GEMIN7: variants seen among roughly 807,000 people sequenced by gnomAD.
The protein encoded by GEMIN7 is gem-associated protein 7.
Under a neutral mutation model 7.8 loss-of-function variants are expected in GEMIN7, and 7 were observed. The observed-to-expected ratio is 0.90, with a 90% CI of 0.51 to 1.69. The LOEUF (loss-of-function observed/expected upper bound fraction) is 1.69. Ranked by LOEUF, GEMIN7 falls within the 40% of genes most tolerant of loss-of-function variation. The pLI, the probability that GEMIN7 is intolerant of heterozygous loss-of-function variation, is 0.00. For missense variants in GEMIN7, 159 were observed against 176.2 expected (o/e 0.90, Z 0.55); for synonymous variants, 68 against 72.4 (o/e 0.94, Z 0.31).
chr19:45,083,184 G>A (rs1292402919), intron 2 of GEMIN7, among the ~76,000 whole-genome samples: 1 of 152,222 alleles, frequency 6.6e-6, no homozygotes, highest in African/African-American at 2.4e-5. Context: ...GGTAGCTCAC[G>A]CCTGTAATCC....
upstream of GEMIN7, chr19:45,075,814 C>A: frequency 1.9e-6 from 3 of 1,614,056 alleles, no homozygotes; most frequent in Non-Finnish European, 2.5e-6. Flanking sequence ...CTGCAGGCAG[C>A]GGCCGCAGGT....
At chr19:45,086,489 T>C (rs770071438) in intron 2 of GEMIN7, among the ~76,000 whole-genome samples, 12 of 152,142 alleles carry the variant, frequency 7.9e-5, no homozygotes, top group African/African-American at 1.2e-4. Context: ...TTCAACATCA[T>C]AGCATAGCGC....
At chr19:45,089,467 T>C (rs1967818254) in intron 2 of GEMIN7, among the ~76,000 whole-genome samples, 1 of 152,138 alleles carries the variant, frequency 6.6e-6, no homozygotes, top group Non-Finnish European at 1.5e-5. Flanking sequence ...AGCTCATGTG[T>C]GAGTGGGAAT....
intron 2 of GEMIN7, among the ~76,000 whole-genome samples, chr19:45,086,885 C>T (rs1011764011): frequency 2.0e-5 from 3 of 152,004 alleles, no homozygotes; most frequent in Non-Finnish European, 4.4e-5. Flanking sequence ...CTTGCTCTGT[C>T]GCCCAGGCTG....
chr19:45,086,592 AT>A (rs1967697210), intron 2 of GEMIN7, among the ~76,000 whole-genome samples: 1 of 152,170 alleles, frequency 6.6e-6, no homozygotes, highest in Admixed American at 6.5e-5. Flanking sequence ...TGTTTTACAG[AT>A]GGGGAAACAG....
In GEMIN7 at chr19:45,090,244, T is replaced by C; in HGVS notation, c.130T>C (p.Cys44Arg). Reference protein sequence around the residue: ...LRPEVPEIQECPIAQESLESQ... With the variant: ...LRPEVPEIQERPIAQESLESQ... ...GCCAGAGGTTCCTGAAATCCAGGAG[T>C]GTCCCATAGCTCAAGAATCCCTGGA... Residue 44 changes from cysteine (C) to arginine (R), a missense_variant, in exon 3 of 3, where the codon TGT becomes CGT. Cys to Arg is a radical substitution (Grantham distance 180, BLOSUM62 -3). Transcript: ENST00000270257. The C allele has an allele frequency of 6.2e-7, 1 of 1,614,062 alleles. No homozygotes were observed. Among genetic ancestry groups the C allele is most frequent in the Non-Finnish European group, 8.5e-7 (1 of 1,180,006 alleles).
chr19:45,083,695 G>A (rs1329025286), intron 2 of GEMIN7, among the ~76,000 whole-genome samples: 1 of 145,078 alleles, frequency 6.9e-6, no homozygotes, highest in South Asian at 2.2e-4. Flanking sequence ...AGCCTCCTCC[G>A]GCTCACTAGA....
upstream of GEMIN7, chr19:45,075,676 C>T (rs749794116): frequency 6.2e-7 from 1 of 1,605,718 alleles, no homozygotes; most frequent in Non-Finnish European, 8.5e-7. Flanking sequence ...GCCCAGCCCT[C>T]GAACTTGAGA....
chr19:45,084,612 G>A (rs1967617543), intron 2 of GEMIN7, among the ~76,000 whole-genome samples: 1 of 152,044 alleles, frequency 6.6e-6, no homozygotes, highest in South Asian at 2.1e-4. Flanking sequence ...GTCCCAGTCT[G>A]TCACCCAGAC....
upstream of GEMIN7, chr19:45,076,417 C>T: frequency 8.2e-7 from 1 of 1,215,396 alleles, no homozygotes; most frequent in Admixed American, 4.3e-5. The surrounding 1 kb of genome is among the most constrained non-coding windows in gnomAD (Gnocchi z 4.9). Flanking sequence ...GGCAGGCAGG[C>T]GGGCGGGCGG....
rs752416059 is a variant in GEMIN7, at chr19:45,090,297, C to G, written c.183C>G (p.Ala61=). ...LESQEQRARA[A]LRERYLRSLL... ...CCCAGGAGCAGCGGGCACGAGCCGC[C>G]CTTCGGGAGCGTTACCTCCGCAGCC... Residue 61 remains alanine, a synonymous_variant, in exon 3 of 3, where the codon GCC becomes GCG. Transcript: ENST00000270257. 1 of 1,614,076 alleles carries G rather than the reference C, an allele frequency of 6.2e-7. No individual in the cohort carries two copies. The highest frequency in any genetic ancestry group is 8.5e-7 in the Non-Finnish European group (1 of 1,180,044).
rs1967877815 is a variant in GEMIN7, at chr19:45,091,010, G to C, written c.*500G>C. ...GGTGGTTATCCAAGGGCTGAATCCA[G>C]TGGAGCTGGGCCAAGTACGACAGGA... On this transcript the variant is annotated 3_prime_UTR_variant, in exon 3 of 3. Coordinates refer to ENST00000270257, the MANE Select transcript of GEMIN7 (RefSeq NM_024707.3). The C allele has an allele frequency of 5.8e-6, 1 of 173,024 alleles. No homozygotes were observed. The highest frequency in any genetic ancestry group is 1.4e-5 in the Non-Finnish European group (1 of 71,188). 10.7% of individuals were successfully genotyped at this position (173,024 alleles called of 1,614,324 possible).
At chr19:45,076,608 G>A (rs1967361583), upstream of GEMIN7, 2 of 334,018 alleles carry the variant, frequency 6.0e-6, no homozygotes, top group Middle Eastern at 8.0e-4. The surrounding 1 kb of genome is among the most constrained non-coding windows in gnomAD (Gnocchi z 4.9). Context: ...AATCTAGGCA[G>A]TGTCCCGTGC....
chr19:45,076,021 T>C (rs1967340417), upstream of GEMIN7: 3 of 1,569,104 alleles, frequency 1.9e-6, no homozygotes, highest in Non-Finnish European at 2.6e-6. This position sits in a 1 kb window ranked among gnomAD's most constrained non-coding sequence, Gnocchi z 4.9. Context: ...AAGGGAAGGG[T>C]CCCACCCGAG....
chr19:45,083,110 C>T (rs766376218), intron 2 of GEMIN7, among the ~76,000 whole-genome samples: 2 of 152,102 alleles, frequency 1.3e-5, no homozygotes, highest in East Asian at 1.9e-4. Flanking sequence ...ACCTCTGCTA[C>T]GTATTTTGCC....
rs1967444306 is a variant in GEMIN7, at chr19:45,079,962, A to G, written c.-76A>G. On this transcript the variant is annotated 5_prime_UTR_variant, in exon 2 of 3. Coordinates refer to ENST00000270257, the MANE Select transcript of GEMIN7 (RefSeq NM_024707.3). ...TGGTTCCACACCCTGGCAATTGTGAAGAGTTGGCCAAATGTTTGTCCACTG... is the reference window on the plus strand; with the variant it reads ...TGGTTCCACACCCTGGCAATTGTGAGGAGTTGGCCAAATGTTTGTCCACTG... 6.6e-6 allele frequency: 1 copy of G among 152,254 alleles called. No homozygotes were observed. The highest frequency in any genetic ancestry group is 1.5e-5 in the Non-Finnish European group (1 of 68,058). The allele number at this position is 152,254 out of a possible 1,614,324, so 9.4% of individuals were successfully genotyped here.
At chr19:45,077,103 G>C (rs1483795923), upstream of GEMIN7, among the ~76,000 whole-genome samples, 1 of 152,142 alleles carries the variant, frequency 6.6e-6, no homozygotes. Context: ...GAGGCTGGAG[G>C]GAAGGAAGCC....
chr19:45,076,741 G>A (rs923434753), upstream of GEMIN7: 4 of 207,126 alleles, frequency 1.9e-5, no homozygotes, highest in African/African-American at 6.9e-5. This position sits in a 1 kb window ranked among gnomAD's most constrained non-coding sequence, Gnocchi z 4.9. Flanking sequence ...ACCCCCAAGC[G>A]AGAAAAATAG....
rs869044428 is a variant in GEMIN7, at chr19:45,085,863, CTTTTTT to C, written c.-8-4227_-8-4222del. Among the ~76,000 whole-genome samples the C allele has an allele frequency of 7.9e-5, 7 of 88,392 alleles. No individual in the cohort carries two copies. In the East Asian group the frequency reaches 1.4e-3, roughly 17 times the overall value. 58.0% of individuals were successfully genotyped at this position (88,392 alleles called of 152,430 possible). A position where few individuals can be genotyped will look rare whatever the true frequency, so the allele number is the denominator to read the frequency against. On this transcript the variant is annotated intron_variant, in intron 2 of 2. Coordinates refer to ENST00000270257, the MANE Select transcript of GEMIN7 (RefSeq NM_024707.3). The stretch of plus-strand genomic sequence containing the variant: ...TCGGGAGACTGAGGCACAAGAATCT[CTTTTTT>C]TTTTTTTTTTTTTTTTGAGACGGAG...
Sources: gnomAD v4.1 joint callset for allele counts (sites outside exome capture counted in the v4.1 genomes callset) on GRCh38, gnomAD v4.1.1 for gene constraint, Gnocchi (gnomAD v3.1) non-coding constraint, MANE v1.5 for transcripts, NCBI Gene and HGNC (gene_info 2026-07-23, HGNC 2026-07-21) for gene names.